KCNQ2: variants seen among roughly 807,000 people sequenced by gnomAD.
The protein encoded by KCNQ2 is potassium voltage-gated channel subfamily Q member 2, also known as potassium voltage-gated channel subfamily KQT member 2.
Under a neutral mutation model 84.8 loss-of-function variants are expected in KCNQ2, and 14 were observed. That is an observed-to-expected ratio of 0.17 (90% CI 0.11 to 0.26). KCNQ2 has a LOEUF of 0.26. Among genes scored for constraint, KCNQ2 ranks in the 10% least tolerant of loss-of-function variants. The pLI is 1.00. For synonymous variants in KCNQ2, 599 were observed against 554.1 expected (o/e 1.08, Z -1.14); for missense variants, 788 against 1,254.0 (o/e 0.63, Z 5.61).
chr20:63,443,120 TCACCACCAC>T (rs879894114), intron 4 of KCNQ2, among the ~76,000 whole-genome samples: 1 of 30,472 alleles, frequency 3.3e-5, no homozygotes, highest in African/African-American at 1.6e-4. Flanking sequence ...ACCACCACTA[TCACCACCAC>T]CACCATCATC....
chr20:63,452,194 C>T (rs1359213996), intron 1 of KCNQ2, among the ~76,000 whole-genome samples: 2 of 130,980 alleles, frequency 1.5e-5, no homozygotes, highest in African/African-American at 3.0e-5. Context: ...CATTTTAAAG[C>T]GTCTCATGTG....
chr20:63,470,716 G>A (rs1404039432), intron 1 of KCNQ2: 2 of 152,244 alleles, frequency 1.3e-5, no homozygotes, highest in Non-Finnish European at 2.9e-5. Flanking sequence ...AGTCACCTTG[G>A]GCAGGGACCT....
At position 63,444,650 on chromosome 20, in the gene KCNQ2, G is replaced by C. The variant is rs369881492; in HGVS notation, c.690+9C>G. 1.3e-6 allele frequency: 2 copies of C among 1,542,770 alleles called. No homozygotes were observed. Among genetic ancestry groups the C allele is most frequent in the Admixed American group, 1.9e-5 (1 of 52,214 alleles). ...GGCGCCCACCGCCAGCCTTGGGGCC[G>C]TGACTCACCTTGCTGTGGGCATAGA... is the stretch of plus-strand genomic sequence containing the variant. On this transcript the variant is annotated intron_variant, in intron 4 of 16. Transcript: ENST00000359125.
At chr20:63,468,126 G>T (rs1451335033) in intron 1 of KCNQ2, among the ~76,000 whole-genome samples, 4 of 152,184 alleles carry the variant, frequency 2.6e-5, no homozygotes, top group Non-Finnish European at 5.9e-5. Context: ...CTGCGAGGAA[G>T]CCCGAGACCT....
chr20:63,431,165 C>T (rs986627513), intron 9 of KCNQ2, among the ~76,000 whole-genome samples, 175 bp downstream of exon 9: 25 of 151,996 alleles, frequency 1.6e-4, no homozygotes, highest in Admixed American at 9.8e-4. Flanking sequence ...GTGATCTGGC[C>T]GCCCAGCATG....
intron 4 of KCNQ2, among the ~76,000 whole-genome samples, chr20:63,443,130 C>G: frequency 1.0e-5 from 1 of 96,678 alleles, no homozygotes; most frequent in African/African-American, 4.0e-5. Context: ...TCACCACCAC[C>G]ACCATCATCA....
Position 63,404,854 on chromosome 20 carries a change from C to A in KCNQ2, c.*1790G>T, listed in dbSNP as rs954436952. The A allele has an allele frequency of 1.5e-4, 23 of 152,334 alleles. No individual in the cohort carries two copies. The highest frequency in any genetic ancestry group is 2.6e-4 in the Admixed American group (4 of 15,288). The allele number at this position is 152,334 out of a possible 1,614,324, so 9.4% of individuals were successfully genotyped here. On this transcript the variant is annotated 3_prime_UTR_variant, in exon 17 of 17. Transcript: ENST00000359125. ...GGCTTCCGAGGCCTCCCAGTTGGCA[C>A]CTTTTTGGGACAGGCTCCAGCACAG... is the stretch of plus-strand genomic sequence containing the variant.
chr20:63,466,867 C>G (rs973331756), intron 1 of KCNQ2, among the ~76,000 whole-genome samples: 2 of 152,220 alleles, frequency 1.3e-5, no homozygotes, highest in Non-Finnish European at 2.9e-5. Flanking sequence ...AGCGGGGCTG[C>G]GTCCACAGAC....
chr20:63,446,682 AGACGCCC>A lies in KCNQ2; in HGVS notation c.387+58_387+64del. On this transcript the variant is annotated intron_variant, in intron 2 of 16. Coordinates refer to ENST00000359125, the MANE Select transcript of KCNQ2 (RefSeq NM_172107.4). The surrounding 1 kb of genome is among the most constrained non-coding windows in gnomAD (Gnocchi z 5.5). ...CCCTGTAGTAACAGGAACGGAAGAC[AGACGCCC>A]AGGCAGCTCCAGCTCCTTCCTGGGC... is the stretch of plus-strand genomic sequence containing the variant. The A allele has an allele frequency of 7.4e-7, 1 of 1,358,784 alleles. No homozygotes were observed. The highest frequency in any genetic ancestry group is 1.1e-6 in the Non-Finnish European group (1 of 949,000). The allele number at this position is 1,358,784 out of a possible 1,614,324, so 84.2% of individuals were successfully genotyped here.
chr20:63,460,533 A>T lies in KCNQ2; in HGVS notation c.296+11635T>A, dbSNP rs1226210467. Among the ~76,000 whole-genome samples the T allele has an allele frequency of 7.1e-6, 1 of 141,224 alleles. No homozygotes were observed. The highest frequency in any genetic ancestry group is 1.5e-5 in the Non-Finnish European group (1 of 66,122). 92.6% of individuals were successfully genotyped at this position (141,224 alleles called of 152,430 possible). On this transcript the variant is annotated intron_variant, in intron 1 of 16. Transcript: ENST00000359125. This position sits in a 1 kb window ranked among gnomAD's most constrained non-coding sequence, Gnocchi z 5.4. ...CAGCTGGTCCACGGCTCACAGCTCC[A>T]GTCCCTGGCCCCCTACAAACGTCCT...
chr20:63,423,943 G>C (rs568129222), intron 11 of KCNQ2: 8 of 466,908 alleles, frequency 1.7e-5, no homozygotes, highest in African/African-American at 4.1e-5. Flanking sequence ...CCAGCTGCCC[G>C]GATCCACAGT....
At chr20:63,436,548 CGCCACA>C (rs1444787899) in intron 7 of KCNQ2, among the ~76,000 whole-genome samples, 1 of 150,870 alleles carries the variant, frequency 6.6e-6, no homozygotes, top group Non-Finnish European at 1.5e-5. Flanking sequence ...AAAAAAAAAT[CGCCACA>C]GCCCCAGCCT....
intron 7 of KCNQ2, among the ~76,000 whole-genome samples, chr20:63,435,233 A>G (rs2080957432): frequency 6.6e-6 from 1 of 152,256 alleles, no homozygotes; most frequent in Admixed American, 6.5e-5. Context: ...TACTTAAAAC[A>G]AAAAATTAGC....
intron 4 of KCNQ2, among the ~76,000 whole-genome samples, chr20:63,443,310 T>TTATCACCACCACCAC (rs2081297341): frequency 5.2e-5 from 1 of 19,352 alleles, no homozygotes. Flanking sequence ...ACCATCACCA[T>TTATCACCACCACCAC]CATCACCACC....
At chr20:63,420,637 C>A (rs1601593616) in intron 11 of KCNQ2, among the ~76,000 whole-genome samples, 1 of 152,192 alleles carries the variant, frequency 6.6e-6, no homozygotes, top group Non-Finnish European at 1.5e-5. Context: ...CCTGCACGCA[C>A]CCGCAGGCAG....
intron 7 of KCNQ2, among the ~76,000 whole-genome samples, chr20:63,435,067 T>C (rs560128289): frequency 4.1e-4 from 62 of 152,226 alleles, no homozygotes; most frequent in African/African-American, 1.3e-3. Flanking sequence ...GGGGGCGGTG[T>C]CCACACATCC....
chr20:63,467,569 C>T (rs1055054075), intron 1 of KCNQ2, among the ~76,000 whole-genome samples: 2 of 152,310 alleles, frequency 1.3e-5, no homozygotes, highest in East Asian at 1.9e-4. Flanking sequence ...CGTGCTCTTG[C>T]GAGCAGCTGC....
rs11698044 is a variant in KCNQ2 at position 63,439,664 on chromosome 20, G to A, written c.861C>T (p.Thr287=). Residue 287 remains threonine, a synonymous_variant, in exon 6 of 17, where the codon ACC becomes ACT. Coordinates refer to ENST00000359125, the MANE Select transcript of KCNQ2 (RefSeq NM_172107.4). ...TTGCCGCAAGGAGCCTGCCGTTCCA[G>A]GTCTGGGGGTACTTGTCCCCGTAGC... The part of the protein sequence containing the change: ...TIGYGDKYPQ[T]WNGRLLAATF... 1.9e-6 allele frequency: 3 copies of A among 1,613,908 alleles called. No homozygotes were observed. The East Asian group carries it at 6.7e-5, about 36-fold the overall frequency.
rs2281569 is a variant in KCNQ2, at chr20:63,413,947, G to A, written c.1631+141C>T. 56,705 of 698,374 alleles carry A rather than the reference G, an allele frequency of 0.081. 8,126 individuals are homozygous for A. The highest frequency in any genetic ancestry group is 0.55 in the East Asian group (20,363 of 36,856). The allele number at this position is 698,374 out of a possible 1,614,324, so 43.3% of individuals were successfully genotyped here. ...CCAGGACATTCAGCCAGGTCCACCCGTGTCTTAGCCCTTTCTTTTCCCAGT... is the reference window on the plus strand; with the variant it reads ...CCAGGACATTCAGCCAGGTCCACCCATGTCTTAGCCCTTTCTTTTCCCAGT... On this transcript the variant is annotated intron_variant, in intron 14 of 16. Transcript: ENST00000359125.
Sources: allele counts gnomAD v4.1 joint callset (sites outside exome capture counted in the v4.1 genomes callset), GRCh38; gene constraint gnomAD v4.1.1; non-coding constraint Gnocchi (gnomAD v3.1); transcripts MANE v1.5; gene names NCBI Gene and HGNC (gene_info 2026-07-23, HGNC 2026-07-21).